Variants in ARID1B observed in about 807,000 individuals in gnomAD.
The protein encoded by ARID1B is AT-rich interactive domain-containing protein 1B.
ARID1B carries 30 observed loss-of-function variants against 212.3 expected under a neutral mutation model. The ratio of observed to expected loss-of-function variants is 0.14; its 90% CI spans 0.11 to 0.19. The LOEUF (loss-of-function observed/expected upper bound fraction) is 0.19. Among genes scored for constraint, ARID1B ranks in the 10% least tolerant of loss-of-function variants. ARID1B has a pLI of 1.00. For missense variants in ARID1B, 2,891 were observed against 3,204.0 expected, an observed-to-expected ratio of 0.90 and a Z score of 2.36; for synonymous variants, 1,402 against 1,301.7, an observed-to-expected ratio of 1.08 and a Z score of -1.66.
intron 8 of ARID1B, chr6:157,164,555 G>A (rs559240594): frequency 1.2e-4 from 19 of 152,266 alleles, no homozygotes; most frequent in African/African-American, 3.1e-4. Context: ...TTGAAAAGGC[G>A]ACCATCTTTG....
intron 1 of ARID1B, among the ~76,000 whole-genome samples, chr6:156,823,177 G>A (rs934040135): frequency 2.0e-5 from 3 of 151,980 alleles, no homozygotes; most frequent in Admixed American, 6.6e-5. Context: ...TGTTACGGCC[G>A]GGCCATGGAT....
chr6:157,196,369 TCA>T lies in ARID1B; in HGVS notation c.4382+63_4382+64del, dbSNP rs990948348. On this transcript the variant is annotated intron_variant, in intron 16 of 19. Coordinates refer to ENST00000636930, the MANE Select transcript of ARID1B (RefSeq NM_001374828.1). ...TGATTTACTAGAAACCGTGCTTTCC[TCA>T]CACACACATTTCTGAGCCCTGGCAG... is the stretch of plus-strand genomic sequence containing the variant. 8 of 1,558,180 alleles carry T rather than the reference TCA, an allele frequency of 5.1e-6. No homozygotes were observed. In the African/African-American group the frequency reaches 9.7e-5, roughly 19 times the overall value.
chr6:156,987,488 A>G (rs1777997253), intron 4 of ARID1B, among the ~76,000 whole-genome samples: 1 of 152,024 alleles, frequency 6.6e-6, no homozygotes, highest in Admixed American at 6.5e-5. Flanking sequence ...CCGCTACTGC[A>G]CCCGGCTAAT....
chr6:156,993,197 A>G (rs1778370786), intron 4 of ARID1B, among the ~76,000 whole-genome samples: 1 of 152,098 alleles, frequency 6.6e-6, no homozygotes, highest in Non-Finnish European at 1.5e-5. Context: ...AACCGCCATC[A>G]TGCCTGGCTA....
intron 11 of ARID1B, among the ~76,000 whole-genome samples, chr6:157,179,545 G>A (rs959184730): frequency 2.6e-5 from 4 of 152,140 alleles, no homozygotes; most frequent in African/African-American, 9.7e-5. Flanking sequence ...GTTTTTAAGT[G>A]ATGTGAAGTT....
In ARID1B at chr6:157,094,881, G is replaced by A. The variant is rs1000622747; in HGVS notation, c.2491+9976G>A. Among the ~76,000 whole-genome samples the A allele has an allele frequency of 2.6e-5, 4 of 152,274 alleles. No homozygotes were observed. The highest frequency in any genetic ancestry group is 1.9e-4 in the East Asian group (1 of 5,184). On this transcript the variant is annotated intron_variant, in intron 5 of 19. Transcript: ENST00000636930. This position sits in a 1 kb window ranked among gnomAD's most constrained non-coding sequence, Gnocchi z 4.3. ...GAGTAGTGGCAGAAGGAGTTTGGCC[G>A]AAGGAATTGGTAAATGATGGTTCTG...
At chr6:157,194,176 C>T (rs912180821) in intron 15 of ARID1B, 1 of 152,088 alleles carries the variant, frequency 6.6e-6, no homozygotes, top group Non-Finnish European at 1.5e-5. Context: ...TTGATTGTTG[C>T]TTTTCCTGTT....
intron 7 of ARID1B, among the ~76,000 whole-genome samples, chr6:157,134,521 T>G (rs914601408): frequency 3.3e-5 from 5 of 152,220 alleles, no homozygotes. Flanking sequence ...TTTGCCCAAT[T>G]CTCTTTATAT....
intron 5 of ARID1B, among the ~76,000 whole-genome samples, chr6:157,098,435 C>G (rs916986801): frequency 2.6e-5 from 4 of 152,076 alleles, no homozygotes; most frequent in African/African-American, 9.7e-5. Context: ...TTCACGTGGC[C>G]CAGTAGACCT....
intron 4 of ARID1B, among the ~76,000 whole-genome samples, chr6:157,083,920 G>A (rs1784789002): frequency 6.6e-6 from 1 of 152,114 alleles, no homozygotes. Context: ...GATTGCCTGA[G>A]GTCAGGAGTT....
chr6:157,072,075 G>A (rs1784036378), intron 4 of ARID1B: 1 of 152,152 alleles, frequency 6.6e-6, no homozygotes, highest in Admixed American at 6.5e-5. Flanking sequence ...TGTCCAACTT[G>A]ATCTTATCAT....
intron 2 of ARID1B, among the ~76,000 whole-genome samples, chr6:156,875,215 T>C (rs1193987180): frequency 6.6e-6 from 1 of 152,244 alleles, no homozygotes; most frequent in African/African-American, 2.4e-5. Context: ...ATATGTTGTG[T>C]AGCAGGAACT....
intron 3 of ARID1B, among the ~76,000 whole-genome samples, chr6:156,925,365 T>G (rs1216957876): frequency 6.6e-6 from 1 of 152,100 alleles, no homozygotes; most frequent in African/African-American, 2.4e-5. Flanking sequence ...GGTTTTTTGT[T>G]GGGTATGGTG....
chr6:156,901,709 T>C (rs2128211581), intron 3 of ARID1B, 184 bp downstream of exon 3: 1 of 787,750 alleles, frequency 1.3e-6, no homozygotes, highest in Admixed American at 3.1e-5. Flanking sequence ...CCTTTTGAGA[T>C]TGGAGGGTGA....
chr6:157,067,445 T>C (rs1211689752), intron 4 of ARID1B, among the ~76,000 whole-genome samples: 3 of 152,220 alleles, frequency 2.0e-5, no homozygotes, highest in African/African-American at 7.2e-5. Context: ...CCCTCATTCC[T>C]GAGAATGGGG....
chr6:156,935,337 C>A (rs867154793), intron 3 of ARID1B, 129 bp from the exon 4 acceptor site: 3 of 736,120 alleles, frequency 4.1e-6, no homozygotes, highest in Non-Finnish European at 6.9e-6. Flanking sequence ...GCCTTGATCT[C>A]CCGAAGTGCT....
At chr6:156,814,931 G>A (rs1033193380) in intron 1 of ARID1B, among the ~76,000 whole-genome samples, 10 of 151,906 alleles carry the variant, frequency 6.6e-5, no homozygotes, top group Non-Finnish European at 1.5e-4. Flanking sequence ...AGGTTTTTAG[G>A]TGAAGACCCA....
intron 4 of ARID1B, among the ~76,000 whole-genome samples, chr6:157,079,295 A>C (rs1784489398): frequency 6.6e-6 from 1 of 152,152 alleles, no homozygotes; most frequent in South Asian, 2.1e-4. Flanking sequence ...AGACAAATGA[A>C]AGCAGCAGGG....
intron 4 of ARID1B, among the ~76,000 whole-genome samples, chr6:156,999,970 G>A (rs968911924): frequency 1.2e-4 from 18 of 152,216 alleles, no homozygotes; most frequent in African/African-American, 4.3e-4. Flanking sequence ...TGTGCATAGA[G>A]TGAAATATGG....
Sources: allele counts gnomAD v4.1 joint callset (sites outside exome capture counted in the v4.1 genomes callset), GRCh38; gene constraint gnomAD v4.1.1; non-coding constraint Gnocchi (gnomAD v3.1); transcripts MANE v1.5; gene names NCBI Gene and HGNC (gene_info 2026-07-23, HGNC 2026-07-21).